Variants in ADAM12 observed in about 807,000 individuals in gnomAD.
The protein encoded by ADAM12 is disintegrin and metalloproteinase domain-containing protein 12.
A neutral mutation model predicts 106.4 loss-of-function variants in ADAM12; 70 were observed. The ratio of observed to expected loss-of-function variants is 0.66; its 90% confidence interval spans 0.54 to 0.80. The LOEUF (loss-of-function observed/expected upper bound fraction) is 0.80. Ranked by LOEUF, ADAM12 falls within the 30% of genes least tolerant of loss-of-function variation. ADAM12 has a pLI of 0.00. For synonymous variants in ADAM12, 420 were observed against 433.5 expected, an observed-to-expected ratio of 0.97 and a Z score of 0.39; for missense variants, 1,010 against 1,171.9, an observed-to-expected ratio of 0.86 and a Z score of 2.02.
chr10:126,213,513 T>C (rs1366871634), intron 3 of ADAM12, among the ~76,000 whole-genome samples: 1 of 152,230 alleles, frequency 6.6e-6, no homozygotes, highest in African/African-American at 2.4e-5. Flanking sequence ...TTTGAAATTA[T>C]ATGCTAGAAT....
At chr10:126,087,932 C>T (rs756537187) in intron 11 of ADAM12, among the ~76,000 whole-genome samples, 1 of 152,178 alleles carries the variant, frequency 6.6e-6, no homozygotes, top group Non-Finnish European at 1.5e-5. Flanking sequence ...TTTCAGGGAG[C>T]GGTCTGCCCA....
At chr10:126,071,764 C>T (rs1303758918) in intron 11 of ADAM12, 110 bp from the exon 12 acceptor site, 2 of 1,191,396 alleles carry the variant, frequency 1.7e-6, no homozygotes, top group East Asian at 2.4e-5. Flanking sequence ...CAGGTGTTCA[C>T]TGGTGGTCTC....
At chr10:126,173,882 A>AT (rs201190354) in intron 3 of ADAM12, among the ~76,000 whole-genome samples, 24 of 151,276 alleles carry the variant, frequency 1.6e-4, no homozygotes, top group African/African-American at 2.9e-4. Flanking sequence ...AGGAATGGGC[A>AT]TTTTTTTTTA....
At chr10:126,093,931 C>T (rs1250591648) in intron 11 of ADAM12, 54 bp downstream of exon 11, 2 of 1,600,000 alleles carry the variant, frequency 1.3e-6, no homozygotes, top group South Asian at 1.1e-5. Context: ...TGGTTCCCAA[C>T]ACACACTTCA....
chr10:126,365,452 G>A (rs761828535), intron 1 of ADAM12, among the ~76,000 whole-genome samples: 8 of 152,170 alleles, frequency 5.3e-5, no homozygotes, highest in Non-Finnish European at 1.0e-4. Context: ...GGGTGTATCA[G>A]TCTGTTCTCA....
At chr10:126,184,860 C>G (rs1957372717) in intron 3 of ADAM12, among the ~76,000 whole-genome samples, 4 of 152,156 alleles carry the variant, frequency 2.6e-5, no homozygotes, top group African/African-American at 9.7e-5. Context: ...GTCACGAGCC[C>G]TGCCTTATTT....
At chr10:126,170,188 C>G (rs911383526) in intron 3 of ADAM12, among the ~76,000 whole-genome samples, 2 of 152,166 alleles carry the variant, frequency 1.3e-5, no homozygotes, top group African/African-American at 4.8e-5. Context: ...TACATTGAAC[C>G]AAACCCGTAG....
chr10:126,133,712 C>G (rs184232147), intron 5 of ADAM12, among the ~76,000 whole-genome samples: 1 of 152,146 alleles, frequency 6.6e-6, no homozygotes, highest in African/African-American at 2.4e-5. Flanking sequence ...CCTACCTTTC[C>G]ACTTCCCTTC....
intron 1 of ADAM12, among the ~76,000 whole-genome samples, chr10:126,357,675 G>A (rs1855588802): frequency 6.6e-6 from 1 of 152,134 alleles, no homozygotes; most frequent in Non-Finnish European, 1.5e-5. Flanking sequence ...CATGGCAGCA[G>A]CAAGAAGAAG....
intron 3 of ADAM12, among the ~76,000 whole-genome samples, chr10:126,182,798 G>A (rs1430231658): frequency 2.0e-5 from 3 of 152,192 alleles, no homozygotes; most frequent in Non-Finnish European, 4.4e-5. Context: ...TCTAATTCTC[G>A]GGACTATGGG....
intron 3 of ADAM12, among the ~76,000 whole-genome samples, chr10:126,263,165 G>A (rs1959033956): frequency 6.6e-6 from 1 of 152,152 alleles, no homozygotes; most frequent in African/African-American, 2.4e-5. Flanking sequence ...TCCTCATCTA[G>A]TGTTGTAAGC....
rs1953609593 is a variant in ADAM12 at position 126,013,829 on chromosome 10, A to AG, written c.*3449dup. ...CTTCTAGCATGGAGAGGAGAGGAAA[A>AG]GGGGTCCTGCAATGTCCCCCAGCAG... On this transcript the variant is annotated 3_prime_UTR_variant, in exon 23 of 23. Coordinates refer to ENST00000448723, the MANE Select transcript of ADAM12 (RefSeq NM_001288973.2). This position sits in a 1 kb window ranked among gnomAD's most constrained non-coding sequence, Gnocchi z 4.3. 6.6e-6 allele frequency: 1 copy of AG among 152,310 alleles called. No individual in the cohort carries two copies. Among genetic ancestry groups the AG allele is most frequent in the Non-Finnish European group, 1.5e-5 (1 of 68,230 alleles). The allele number at this position is 152,310 out of a possible 1,614,324, so 9.4% of individuals were successfully genotyped here.
intron 1 of ADAM12, among the ~76,000 whole-genome samples, chr10:126,357,313 A>G (rs1418595558): frequency 6.6e-6 from 1 of 152,176 alleles, no homozygotes; most frequent in Non-Finnish European, 1.5e-5. Context: ...ATATATTCAA[A>G]GTGCTGAGGG....
intron 3 of ADAM12, among the ~76,000 whole-genome samples, chr10:126,229,176 C>G (rs908415765): frequency 6.6e-6 from 1 of 152,060 alleles, no homozygotes; most frequent in African/African-American, 2.4e-5. Context: ...GCAGGGGCTT[C>G]CGGTGGAGGG....
intron 8 of ADAM12, among the ~76,000 whole-genome samples, chr10:126,102,132 G>A (rs867612121): frequency 6.6e-6 from 1 of 152,076 alleles, no homozygotes; most frequent in African/African-American, 2.4e-5. Context: ...GAGTTCAGAG[G>A]GCCAGGATGA....
At position 126,283,346 on chromosome 10, in the gene ADAM12, G is replaced by A. The variant is rs140390508; in HGVS notation, c.187-4358C>T. Reference sequence around the variant, plus strand: ...TGAGTTTCCCTGGCTAATCTGGGATGGAAACTCTGGGTGGTGTAGTTTGCA... The same window carrying A: ...TGAGTTTCCCTGGCTAATCTGGGATAGAAACTCTGGGTGGTGTAGTTTGCA... On this transcript the variant is annotated intron_variant, in intron 2 of 22. Transcript: ENST00000448723. Among the ~76,000 whole-genome samples the A allele has an allele frequency of 3.3e-3, 496 of 152,304 alleles. 1 individual carries two copies. Among genetic ancestry groups the A allele is most frequent in the Non-Finnish European group, 6.3e-3 (431 of 68,020 alleles).
intron 11 of ADAM12, among the ~76,000 whole-genome samples, chr10:126,087,511 C>T (rs564631694): frequency 1.3e-5 from 2 of 152,142 alleles, no homozygotes; most frequent in African/African-American, 2.4e-5. Context: ...TAAAGATTTC[C>T]ATTTTTTCAC....
Position 126,143,515 on chromosome 10 carries a change from G to A in ADAM12, c.340-7855C>T, listed in dbSNP as rs569609466. ...TATGTATATGTGTGGATGTGGGTGTGCATGTGTGTATATGTACATGTGTAT... is the reference window on the plus strand; with the variant it reads ...TATGTATATGTGTGGATGTGGGTGTACATGTGTGTATATGTACATGTGTAT... On this transcript the variant is annotated intron_variant, in intron 4 of 22. Transcript: ENST00000448723. Among the ~76,000 whole-genome samples, 32 of 152,028 alleles carry A rather than the reference G, an allele frequency of 2.1e-4. No homozygotes were observed. The South Asian group carries it at 3.5e-3, about 17-fold the overall frequency.
At chr10:126,101,697 GA>G (rs1463123886) in intron 8 of ADAM12, among the ~76,000 whole-genome samples, 4 of 152,190 alleles carry the variant, frequency 2.6e-5, no homozygotes, top group Non-Finnish European at 5.9e-5. Context: ...TACTGAAAAT[GA>G]ATCTGTATTA....
Sources: allele counts gnomAD v4.1 joint callset (sites outside exome capture counted in the v4.1 genomes callset), GRCh38; gene constraint gnomAD v4.1.1; non-coding constraint Gnocchi (gnomAD v3.1); transcripts MANE v1.5; gene names NCBI Gene and HGNC (gene_info 2026-07-23, HGNC 2026-07-21).